CATSPERE: variants seen among roughly 807,000 people sequenced by gnomAD.
CATSPERE encodes catsper channel auxiliary subunit epsilon, also known as cation channel sperm-associated auxiliary subunit epsilon.
In CATSPERE, 93 loss-of-function variants were observed where a neutral mutation model predicts 114.1. The observed-to-expected ratio is 0.81, with a 90% CI of 0.69 to 0.97. The LOEUF (loss-of-function observed/expected upper bound fraction) is 0.97. Among genes scored for constraint, CATSPERE ranks in the 50% least tolerant of loss-of-function variants. CATSPERE has a pLI of 0.00. For missense variants in CATSPERE, 1,058 were observed against 1,131.6 expected, an observed-to-expected ratio of 0.93 and a Z score of 0.93; for synonymous variants, 341 against 384.1, an observed-to-expected ratio of 0.89 and a Z score of 1.31.
intron 8 of CATSPERE, among the ~76,000 whole-genome samples, chr1:244,522,801 T>C (rs1036351837): frequency 4.6e-5 from 7 of 152,116 alleles, no homozygotes; most frequent in African/African-American, 1.7e-4. Flanking sequence ...GCTGAATCTC[T>C]GAATAGACCA....
At chr1:244,471,312 A>C (rs1479947848) in intron 2 of CATSPERE, among the ~76,000 whole-genome samples, 3 of 152,234 alleles carry the variant, frequency 2.0e-5, no homozygotes, top group African/African-American at 7.2e-5. Context: ...TTGTTTATGT[A>C]AATCAAGATC....
At chr1:244,558,288 A>G (rs1001103948) in intron 9 of CATSPERE, among the ~76,000 whole-genome samples, 1 of 152,018 alleles carries the variant, frequency 6.6e-6, no homozygotes, top group African/African-American at 2.4e-5. Flanking sequence ...GACTACAGGC[A>G]CGTGCCACCA....
At chr1:244,570,864 A>G (rs980069291) in intron 10 of CATSPERE, among the ~76,000 whole-genome samples, 7 of 152,218 alleles carry the variant, frequency 4.6e-5, no homozygotes, top group Admixed American at 3.3e-4. Flanking sequence ...CTGAGAATAC[A>G]GCATGTGCAA....
chr1:244,581,769 C>A, intron 11 of CATSPERE, 27 bp from the exon 12 acceptor site: 1 of 1,095,824 alleles, frequency 9.1e-7, no homozygotes, highest in Non-Finnish European at 1.3e-6. Context: ...CCCTGCTTTA[C>A]ATAAATTTTA....
chr1:244,461,462 G>C lies in CATSPERE; in HGVS notation c.33G>C (p.Leu11=), dbSNP rs146516093. MSAREVAVLL[L]WLSCYGSALW... The stretch of plus-strand genomic sequence containing the variant: ...CCCGGGAAGTGGCCGTGCTGCTGCT[G>C]TGGCTGAGCTGCTATGGCTCCGCCC... The change falls in exon 1 of 22, where the codon CTG becomes CTC. Residue 11 remains leucine, a synonymous_variant. Transcript: ENST00000366534. The C allele has an allele frequency of 2.2e-4, 298 of 1,367,802 alleles. No homozygotes were observed. Among genetic ancestry groups the C allele is most frequent in the Non-Finnish European group, 2.6e-4 (271 of 1,053,944 alleles). The allele number at this position is 1,367,802 out of a possible 1,614,324, so 84.7% of individuals were successfully genotyped here. A position where few individuals can be genotyped will look rare whatever the true frequency, so the allele number is the denominator to read the frequency against.
At chr1:244,512,236 A>C (rs768300205) in intron 7 of CATSPERE, among the ~76,000 whole-genome samples, 1 of 151,998 alleles carries the variant, frequency 6.6e-6, no homozygotes, top group Non-Finnish European at 1.5e-5. Context: ...ATGCTTTCTT[A>C]TTCTTTTTGT....
At chr1:244,639,566 T>G (rs1293546407) in intron 21 of CATSPERE, among the ~76,000 whole-genome samples, 2 of 151,772 alleles carry the variant, frequency 1.3e-5, no homozygotes, top group South Asian at 2.1e-4. Context: ...GGTGCCCTCC[T>G]GTAATCCCAG....
At chr1:244,565,978 T>C (rs1025123523) in intron 10 of CATSPERE, among the ~76,000 whole-genome samples, 2 of 152,214 alleles carry the variant, frequency 1.3e-5, no homozygotes, top group African/African-American at 4.8e-5. Context: ...GATTTAGTGC[T>C]ATAAACACTG....
Position 244,593,413 on chromosome 1 carries a change from G to C in CATSPERE, c.2208G>C (p.Gln736His). 5 of 1,612,976 alleles carry C rather than the reference G, an allele frequency of 3.1e-6. No homozygotes were observed. Among genetic ancestry groups the C allele is most frequent in the Middle Eastern group, 3.9e-4 (2 of 5,178 alleles). Residue 736 changes from glutamine (Q) to histidine (H), a missense_variant, in exon 16 of 22, where the codon CAG becomes CAC. Physicochemically the swap from Gln to His is conservative, Grantham distance 24 (BLOSUM62 0). Around this residue, in one of 2 missense-constraint regions of CATSPERE, gnomAD observed 787 missense variants for 905.6 expected, o/e 0.87. Transcript: ENST00000366534. ...TTCACAGGTCATATCTGAGGCATCA[G>C]CCATCGAAAAACTTGGTAAGAAAAT... ...YVIEKSYLRHQPSKNLRVRYI... is the reference protein window; with the variant it reads ...YVIEKSYLRHHPSKNLRVRYI...
At chr1:244,491,550 C>G (rs544796178) in intron 6 of CATSPERE, among the ~76,000 whole-genome samples, 1 of 152,144 alleles carries the variant, frequency 6.6e-6, no homozygotes, top group South Asian at 2.1e-4. Flanking sequence ...AAAGCAAGAG[C>G]AAACACATTC....
intron 5 of CATSPERE, 37 bp downstream of exon 5, chr1:244,479,821 T>A (rs1034747365): frequency 1.7e-6 from 2 of 1,171,608 alleles, no homozygotes; most frequent in Non-Finnish European, 2.4e-6. Context: ...ATTATGCTTT[T>A]AAAGAGTATT....
chr1:244,470,096 A>G (rs1163927176), intron 2 of CATSPERE, among the ~76,000 whole-genome samples: 1 of 152,216 alleles, frequency 6.6e-6, no homozygotes, highest in Non-Finnish European at 1.5e-5. Context: ...TAAAACATAT[A>G]GAAGAAAACA....
upstream of CATSPERE, among the ~76,000 whole-genome samples, chr1:244,461,039 T>G (rs1265194133): frequency 6.6e-6 from 1 of 152,264 alleles, no homozygotes; most frequent in African/African-American, 2.4e-5. Context: ...AAAGACACAC[T>G]ACCTTAAAAG....
rs1666622700 is a variant in CATSPERE at position 244,583,893 on chromosome 1, A to G, written c.2039A>G (p.Gln680Arg). 2 of 1,614,160 alleles carry G rather than the reference A, an allele frequency of 1.2e-6. No homozygotes were observed. Among genetic ancestry groups the G allele is most frequent in the Non-Finnish European group, 1.7e-6 (2 of 1,179,992 alleles). ...QDKHTGLVLV[Q>R]FRPSEYSKAC... The stretch of plus-strand genomic sequence containing the variant: ...AAGCACACGGGTCTTGTGCTGGTTC[A>G]GTTTCGACCTAGTGAATATTCAAAA... Residue 680 changes from glutamine to arginine, a missense_variant, in exon 13 of 22, where the codon CAG (glutamine) becomes CGG (arginine). Physicochemically the swap from Gln to Arg is conservative, Grantham distance 43 (BLOSUM62 1). Around this residue, in one of 2 missense-constraint regions of CATSPERE, gnomAD observed 787 missense variants for 905.6 expected, o/e 0.87. Coordinates refer to ENST00000366534, the MANE Select transcript of CATSPERE (RefSeq NM_001130957.2).
Position 244,631,047 on chromosome 1 carries a change from G to A in CATSPERE, c.2649-4442G>A, listed in dbSNP as rs115660965. Among the ~76,000 whole-genome samples, 460 of 152,190 alleles carry A rather than the reference G, an allele frequency of 3.0e-3. 1 individual carries two copies. The highest frequency in any genetic ancestry group is 5.3e-3 in the Non-Finnish European group (362 of 68,018). ...TTCTGTGTAACCCTTCCTCTCCTGA[G>A]TTTGACTTTCATATTGCTCTCTAGA... is the stretch of plus-strand genomic sequence containing the variant. On this transcript the variant is annotated intron_variant, in intron 20 of 21. Coordinates refer to ENST00000366534, the MANE Select transcript of CATSPERE (RefSeq NM_001130957.2).
chr1:244,509,487 T>C (rs1290747289), intron 7 of CATSPERE, among the ~76,000 whole-genome samples: 2 of 152,196 alleles, frequency 1.3e-5, no homozygotes, highest in African/African-American at 4.8e-5. Flanking sequence ...GCTAGTATTT[T>C]GTTTTGAATT....
intron 7 of CATSPERE, among the ~76,000 whole-genome samples, chr1:244,508,305 T>G (rs1445261738): frequency 7.1e-6 from 1 of 141,328 alleles, no homozygotes; most frequent in African/African-American, 2.8e-5. Context: ...TTTCTTTTCT[T>G]TTTTTTTTTT....
chr1:244,505,045 A>C (rs1674604788), intron 7 of CATSPERE, among the ~76,000 whole-genome samples: 1 of 152,066 alleles, frequency 6.6e-6, no homozygotes. Flanking sequence ...TATTTATTTT[A>C]TGTTTTGGGT....
intron 8 of CATSPERE, among the ~76,000 whole-genome samples, chr1:244,525,499 TA>T (rs1242762237): frequency 6.9e-6 from 1 of 144,754 alleles, no homozygotes; most frequent in East Asian, 1.9e-4. Context: ...TAATAATAAA[TA>T]AAATATAATA....
Sources: gnomAD v4.1 joint callset for allele counts (sites outside exome capture counted in the v4.1 genomes callset) on GRCh38, gnomAD v4.1.1 for gene constraint, gnomAD v4.1.1 regional missense constraint, MANE v1.5 for transcripts, NCBI Gene and HGNC (gene_info 2026-07-23, HGNC 2026-07-21) for gene names.